Variants in AHCYL2 observed in about 807,000 individuals in gnomAD.
AHCYL2 encodes the protein adenosylhomocysteinase like 2.
Under a neutral mutation model 81.4 loss-of-function variants are expected in AHCYL2, and 28 were observed. The ratio of observed to expected loss-of-function variants is 0.34; its 90% CI spans 0.25 to 0.47. The LOEUF (loss-of-function observed/expected upper bound fraction) is 0.47, where lower values mean the gene tolerates loss of function less well. AHCYL2 is among the 20% of genes least tolerant of loss of function. The pLI, the probability that AHCYL2 is intolerant of heterozygous loss-of-function variation, is 1.00. For synonymous variants in AHCYL2, 272 were observed against 290.2 expected (o/e 0.94, Z 0.64); for missense variants, 551 against 785.1 (o/e 0.70, Z 3.56).
chr7:129,242,439 C>T (rs537566396), intron 1 of AHCYL2, among the ~76,000 whole-genome samples: 10 of 151,818 alleles, frequency 6.6e-5, no homozygotes, highest in Non-Finnish European at 8.8e-5. Flanking sequence ...TTATGGTGGC[C>T]GGGTGCAGTG....
rs1438357871 is a variant in AHCYL2, at chr7:129,305,486, A to C, written c.364-74152A>C. On this transcript the variant is annotated intron_variant, in intron 1 of 16. Coordinates refer to ENST00000325006, the MANE Select transcript of AHCYL2 (RefSeq NM_015328.4). ...AAAACAAACAAACAAACAAAAAAAA[A>C]CACTTTATACTTTAACTTCATACCC... Among the ~76,000 whole-genome samples the C allele has an allele frequency of 4.6e-5, 7 of 152,048 alleles. No homozygotes were observed. The East Asian group carries it at 1.2e-3, about 25-fold the overall frequency.
chr7:129,356,513 A>G (rs1793740490), intron 1 of AHCYL2, among the ~76,000 whole-genome samples: 1 of 152,202 alleles, frequency 6.6e-6, no homozygotes, highest in Non-Finnish European at 1.5e-5. Context: ...AACCAAATCT[A>G]TAAAGCTGCC....
At position 129,374,755 on chromosome 7, in the gene AHCYL2, C is replaced by T. The variant is rs147764207; in HGVS notation, c.364-4883C>T. Reference sequence around the variant, plus strand: ...CCGGAGGGTGGAGGTTGCAGTGAGCCGAGATCGCATCATTGCACTCCAGCC... The same window carrying T: ...CCGGAGGGTGGAGGTTGCAGTGAGCTGAGATCGCATCATTGCACTCCAGCC... On this transcript the variant is annotated intron_variant, in intron 1 of 16. Coordinates refer to ENST00000325006, the MANE Select transcript of AHCYL2 (RefSeq NM_015328.4). Among the ~76,000 whole-genome samples the T allele has an allele frequency of 4.9e-3, 714 of 146,716 alleles. 3 individuals are homozygous for T. Among genetic ancestry groups the T allele is most frequent in the Middle Eastern group, 0.015 (4 of 260 alleles).
intron 5 of AHCYL2, among the ~76,000 whole-genome samples, chr7:129,399,579 C>G (rs111852677): frequency 2.0e-5 from 3 of 151,942 alleles, no homozygotes; most frequent in Non-Finnish European, 2.9e-5. Context: ...TGGAGAAACA[C>G]GTAAGGGTTT....
chr7:129,389,222 C>T (rs777434202), intron 3 of AHCYL2, 23 bp downstream of exon 3: 1 of 1,613,488 alleles, frequency 6.2e-7, no homozygotes, highest in Admixed American at 1.7e-5. Flanking sequence ...AGCACCTTTT[C>T]CTTCTTAACC....
At chr7:129,357,176 T>C (rs1469404764) in intron 1 of AHCYL2, among the ~76,000 whole-genome samples, 1 of 152,198 alleles carries the variant, frequency 6.6e-6, no homozygotes, top group Non-Finnish European at 1.5e-5. Flanking sequence ...AAAAGCGATG[T>C]GGGATCCTGG....
intron 1 of AHCYL2, among the ~76,000 whole-genome samples, chr7:129,358,178 G>T (rs1793804546): frequency 6.6e-6 from 1 of 152,026 alleles, no homozygotes; most frequent in African/African-American, 2.4e-5. Flanking sequence ...CGGATCACGA[G>T]GTCAGGAGAT....
chr7:129,226,839 G>A (rs193092432), intron 1 of AHCYL2, among the ~76,000 whole-genome samples: 1 of 152,320 alleles, frequency 6.6e-6, no homozygotes, highest in East Asian at 1.9e-4. Context: ...AAAAAGAGAG[G>A]CAGCAGCAGC....
At chr7:129,291,020 T>A (rs1334424157) in intron 1 of AHCYL2, among the ~76,000 whole-genome samples, 7 of 152,038 alleles carry the variant, frequency 4.6e-5, no homozygotes, top group African/African-American at 1.7e-4. Flanking sequence ...TTCCAGTGGA[T>A]CTTTTAATTA....
chr7:129,403,884 A>T (rs1223523846), intron 7 of AHCYL2, among the ~76,000 whole-genome samples: 1 of 117,884 alleles, frequency 8.5e-6, no homozygotes, highest in African/African-American at 3.3e-5. Context: ...AAAAAAAAAA[A>T]AAAAAAATTG....
At chr7:129,328,830 T>C (rs13226919) in intron 1 of AHCYL2, among the ~76,000 whole-genome samples, 3 of 152,188 alleles carry the variant, frequency 2.0e-5, no homozygotes, top group African/African-American at 7.2e-5. Context: ...AACATTTTTC[T>C]TCTATTTTAT....
intron 1 of AHCYL2, among the ~76,000 whole-genome samples, chr7:129,340,654 T>A (rs1186402249): frequency 2.6e-5 from 4 of 152,196 alleles, no homozygotes; most frequent in Non-Finnish European, 4.4e-5. Flanking sequence ...AATTCTTCTG[T>A]TGAAATTTTA....
At chr7:129,264,675 T>C (rs1795757046) in intron 1 of AHCYL2, among the ~76,000 whole-genome samples, 1 of 152,124 alleles carries the variant, frequency 6.6e-6, no homozygotes, top group South Asian at 2.1e-4. Flanking sequence ...TGGTTGTGCT[T>C]AGCTGAGTTA....
chr7:129,371,527 G>A (rs1399118376), intron 1 of AHCYL2, among the ~76,000 whole-genome samples: 2 of 152,192 alleles, frequency 1.3e-5, no homozygotes, highest in Admixed American at 6.5e-5. Context: ...CTGCTCCTCA[G>A]CTGTTTTCAT....
rs755835020 is a variant in AHCYL2 at position 129,225,128 on chromosome 7, G to A, written c.52G>A (p.Glu18Lys). 4 of 1,602,826 alleles carry A rather than the reference G, an allele frequency of 2.5e-6. No homozygotes were observed. The highest frequency in any genetic ancestry group is 2.6e-6 in the Non-Finnish European group (3 of 1,175,952). ...GGCTGCCGCCAAGGTGCCTGAGGTG[G>A]AGCTGAAGGACCTGAGCCCCTCCGA... ...AAAAAKVPEV[E>K]LKDLSPSEAE... Residue 18 changes from glutamate (E) to lysine (K), a missense_variant, in exon 1 of 17, where the codon GAG (glutamate) becomes AAG (lysine). By Grantham distance (56) the Glu-to-Lys change is moderately conservative. Coordinates refer to ENST00000325006, the MANE Select transcript of AHCYL2 (RefSeq NM_015328.4).
chr7:129,336,937 G>T (rs558789821), intron 1 of AHCYL2, among the ~76,000 whole-genome samples: 1 of 152,084 alleles, frequency 6.6e-6, no homozygotes, highest in African/African-American at 2.4e-5. Flanking sequence ...GTAAAGACGG[G>T]TGTCTCATCA....
chr7:129,418,521 G>C (rs560348373), intron 12 of AHCYL2, among the ~76,000 whole-genome samples: 13 of 152,050 alleles, frequency 8.5e-5, no homozygotes, highest in Non-Finnish European at 1.6e-4. Flanking sequence ...GGCTGGTCTC[G>C]ATCTCCTGAC....
chr7:129,354,870 G>A (rs1201795883), intron 1 of AHCYL2, among the ~76,000 whole-genome samples: 1 of 152,154 alleles, frequency 6.6e-6, no homozygotes, highest in Non-Finnish European at 1.5e-5. Flanking sequence ...TTTAAAATTA[G>A]AGGAAATTTG....
chr7:129,326,067 A>C (rs547614213), intron 1 of AHCYL2, among the ~76,000 whole-genome samples: 1 of 152,122 alleles, frequency 6.6e-6, no homozygotes, highest in African/African-American at 2.4e-5. Context: ...TGAATGTCTA[A>C]GATTTTCTTC....
Sources: gnomAD v4.1 joint callset for allele counts (sites outside exome capture counted in the v4.1 genomes callset) on GRCh38, gnomAD v4.1.1 for gene constraint, MANE v1.5 for transcripts, NCBI Gene and HGNC (gene_info 2026-07-23, HGNC 2026-07-21) for gene names.